Variants in MSI1 observed in about 807,000 individuals in gnomAD.
MSI1 encodes musashi RNA binding protein 1, also known as RNA-binding protein Musashi homolog 1.
MSI1 carries 15 observed loss-of-function variants against 54.4 expected under a neutral mutation model. The observed-to-expected ratio is 0.28, with a 90% CI of 0.18 to 0.42. MSI1 has a LOEUF of 0.42. Among genes scored for constraint, MSI1 ranks in the 20% least tolerant of loss-of-function variants. MSI1 has a pLI of 1.00. For missense variants in MSI1, 304 were observed against 506.0 expected (o/e 0.60, Z 3.83); for synonymous variants, 200 against 196.5 (o/e 1.02, Z -0.15).
At chr12:120,354,755 G>T (rs1874935752) in intron 9 of MSI1, among the ~76,000 whole-genome samples, 1 of 151,972 alleles carries the variant, frequency 6.6e-6, no homozygotes, top group Non-Finnish European at 1.5e-5. Context: ...TTAAATGAAG[G>T]GTGAAAACAG....
chr12:120,355,033 A>G (rs1874966776), intron 9 of MSI1, among the ~76,000 whole-genome samples: 1 of 140,886 alleles, frequency 7.1e-6, no homozygotes, highest in South Asian at 2.1e-4. Flanking sequence ...TCTCTACCAA[A>G]AAAAAAAAAA....
rs1311011835 is a variant in MSI1 at position 120,351,332 on chromosome 12, C to T, written c.790+12G>A. On this transcript the variant is annotated intron_variant, in intron 11 of 14. Transcript: ENST00000257552. Reference sequence around the variant, plus strand: ...TGTGGCCTGAGAGGTATACAAAATCCGAGCGACTGACCTGTAAGCTCGGGG... The same window carrying T: ...TGTGGCCTGAGAGGTATACAAAATCTGAGCGACTGACCTGTAAGCTCGGGG... 6 of 1,611,638 alleles carry T rather than the reference C, an allele frequency of 3.7e-6. No homozygotes were observed. Among genetic ancestry groups the T allele is most frequent in the African/African-American group, 1.3e-5 (1 of 74,814 alleles).
chr12:120,368,564 G>A lies in MSI1; in HGVS notation c.100+269C>T, dbSNP rs1876176933. Among the ~76,000 whole-genome samples, 1 of 152,018 alleles carries A rather than the reference G, an allele frequency of 6.6e-6. No homozygotes were observed. The highest frequency in any genetic ancestry group is 2.4e-5 in the African/African-American group (1 of 41,426). On this transcript the variant is annotated intron_variant, in intron 2 of 14. Transcript: ENST00000257552. The surrounding 1 kb of genome is among the most constrained non-coding windows in gnomAD (Gnocchi z 6.6). ...ACAAAAGTTTGAGCCGCAGGTGCGA[G>A]CGGAGTTGGCGCTGCCGCCGGCGGG...
At chr12:120,346,017 TC>T in intron 13 of MSI1, 117 bp downstream of exon 13, 1 of 918,194 alleles carries the variant, frequency 1.1e-6, no homozygotes, top group Non-Finnish European at 1.6e-6. Flanking sequence ...CTTTCTCCAT[TC>T]ATCCTCCCTC....
At position 120,368,152 on chromosome 12, in the gene MSI1, G is replaced by C. The variant is rs1168112053; in HGVS notation, c.182+40C>G. 1 of 1,581,822 alleles carries C rather than the reference G, an allele frequency of 6.3e-7. No homozygotes were observed. The highest frequency in any genetic ancestry group is 1.1e-5 in the South Asian group (1 of 87,304). Reference sequence around the variant, plus strand: ...CAAGGCAGTGAGTGGCGGGTGGAGGGGGGCGAGCCGGGAGCAGGAGGAGGG... The same window carrying C: ...CAAGGCAGTGAGTGGCGGGTGGAGGCGGGCGAGCCGGGAGCAGGAGGAGGG... On this transcript the variant is annotated intron_variant, in intron 3 of 14. Transcript: ENST00000257552. The surrounding 1 kb of genome is among the most constrained non-coding windows in gnomAD (Gnocchi z 6.6).
chr12:120,345,906 G>A (rs1233395163), intron 13 of MSI1, among the ~76,000 whole-genome samples: 2 of 152,178 alleles, frequency 1.3e-5, no homozygotes, highest in African/African-American at 4.8e-5. Context: ...GAGATGCCAT[G>A]TGTCTCATTT....
intron 11 of MSI1, among the ~76,000 whole-genome samples, chr12:120,351,122 G>T (rs923900415): frequency 1.3e-5 from 2 of 152,082 alleles, no homozygotes; most frequent in African/African-American, 4.8e-5. Flanking sequence ...ATGAATGAGT[G>T]ACTTTGCCTC....
chr12:120,355,494 C>T (rs1050891601), intron 9 of MSI1, among the ~76,000 whole-genome samples: 35 of 151,900 alleles, frequency 2.3e-4, no homozygotes, highest in African/African-American at 7.0e-4. Flanking sequence ...AAAGAATATC[C>T]CTAATCTTAG....
intron 11 of MSI1, among the ~76,000 whole-genome samples, chr12:120,350,187 G>A (rs1874475312): frequency 6.6e-6 from 1 of 152,062 alleles, no homozygotes; most frequent in Non-Finnish European, 1.5e-5. Flanking sequence ...ACCACACCTG[G>A]CTAGTTTTTT....
At chr12:120,343,612 T>C (rs987222987) in intron 14 of MSI1, among the ~76,000 whole-genome samples, 2 of 152,206 alleles carry the variant, frequency 1.3e-5, no homozygotes, top group Admixed American at 6.5e-5. Flanking sequence ...TTCTCAGAGA[T>C]ACCTTCTCTA....
rs565994369 is a variant in MSI1 at position 120,354,522 on chromosome 12, C to T, written c.653-1143G>A. 5.3e-5 allele frequency among the ~76,000 whole-genome samples: 8 copies of T among 152,156 alleles called. No homozygotes were observed. In the South Asian group the frequency reaches 1.5e-3, roughly 28 times the overall value. ...TCTCGGCTCACCGCCACCTCCGCCT[C>T]CCAGGTTCAAGCAATTCTCCTGCCT... On this transcript the variant is annotated intron_variant, in intron 9 of 14. Transcript: ENST00000257552.
intron 11 of MSI1, among the ~76,000 whole-genome samples, chr12:120,350,127 T>C (rs1027785488): frequency 6.6e-6 from 1 of 152,032 alleles, no homozygotes; most frequent in African/African-American, 2.4e-5. Flanking sequence ...GCTCAAACGA[T>C]CCTCCCACCT....
At position 120,353,391 on chromosome 12, in the gene MSI1, AG is replaced by A; in HGVS notation, c.653-13del. ...GAAACCTGGGTAACCTGATGGGGCA[AG>A]GGGGCAGTGTCAGATGGCTCATCCA... is the stretch of plus-strand genomic sequence containing the variant. On this transcript the variant is annotated splice_polypyrimidine_tract_variant and intron_variant, in intron 9 of 14. Coordinates refer to ENST00000257552, the MANE Select transcript of MSI1 (RefSeq NM_002442.4). 1 of 1,613,662 alleles carries A rather than the reference AG, an allele frequency of 6.2e-7. No homozygotes were observed. Among genetic ancestry groups the A allele is most frequent in the Non-Finnish European group, 8.5e-7 (1 of 1,179,650 alleles).
chr12:120,364,080 C>T (rs1875866077), intron 5 of MSI1, among the ~76,000 whole-genome samples: 1 of 152,224 alleles, frequency 6.6e-6, no homozygotes, highest in African/African-American at 2.4e-5. Flanking sequence ...AGAATAGACT[C>T]TTAGGCCCCT....
In MSI1 at chr12:120,345,513, GCC is replaced by G. The variant is rs1348204333; in HGVS notation, c.*21+55_*21+56del. The G allele has an allele frequency of 7.9e-6, 12 of 1,514,416 alleles. No homozygotes were observed. The African/African-American group carries it at 9.6e-5, about 12-fold the overall frequency. 93.8% of individuals were successfully genotyped at this position (1,514,416 alleles called of 1,614,324 possible). On this transcript the variant is annotated intron_variant, in intron 14 of 14. Coordinates refer to ENST00000257552, the MANE Select transcript of MSI1 (RefSeq NM_002442.4). Reference sequence around the variant, plus strand: ...TGGGGTCTGTGTCCCAGATTCGATGGCCCAGGACAGGCTTCCCCAGTGCCACC... The same window carrying G: ...TGGGGTCTGTGTCCCAGATTCGATGGCAGGACAGGCTTCCCCAGTGCCACC...
chr12:120,347,360 G>T, intron 12 of MSI1, 86 bp downstream of exon 12: 1 of 1,438,204 alleles, frequency 7.0e-7, no homozygotes. Context: ...CTCTGCAAAG[G>T]GGTGGCAGTG....
downstream of MSI1, among the ~76,000 whole-genome samples, chr12:120,340,871 C>T (rs893833448): frequency 4.0e-5 from 6 of 148,272 alleles, no homozygotes; most frequent in Non-Finnish European, 8.9e-5. Context: ...TAAATGTGTA[C>T]GCTTTTCTCC....
chr12:120,347,561 G>A (rs895519711), intron 11 of MSI1, 47 bp from the exon 12 acceptor site: 3 of 1,609,598 alleles, frequency 1.9e-6, no homozygotes, highest in Non-Finnish European at 2.6e-6. Context: ...GAGGGGCAGA[G>A]ATGGGTGAAG....
In MSI1 at chr12:120,341,663, A is replaced by C. The variant is rs537342450; in HGVS notation, c.*1464T>G. ...TTATTAGGAAACATTAAAAAAAAAA[A>C]AAACCCAAAACACGAACAGCCGCGC... On this transcript the variant is annotated 3_prime_UTR_variant, in exon 15 of 15. Coordinates refer to ENST00000257552, the MANE Select transcript of MSI1 (RefSeq NM_002442.4). The C allele has an allele frequency of 4.6e-5, 7 of 152,544 alleles. No individual in the cohort carries two copies. The East Asian group carries it at 5.8e-4, about 13-fold the overall frequency. The allele number at this position is 152,544 out of a possible 1,614,324, so 9.4% of individuals were successfully genotyped here. A position where few individuals can be genotyped will look rare whatever the true frequency, so the allele number is the denominator to read the frequency against.
Sources: allele counts gnomAD v4.1 joint callset (sites outside exome capture counted in the v4.1 genomes callset), GRCh38; gene constraint gnomAD v4.1.1; non-coding constraint Gnocchi (gnomAD v3.1); transcripts MANE v1.5; gene names NCBI Gene and HGNC (gene_info 2026-07-23, HGNC 2026-07-21).